The following SYMPK variants were observed in gnomAD, a reference collection of about 807,000 sequenced individuals.
SYMPK encodes the protein symplekin.
In SYMPK, 49 loss-of-function variants were observed where a neutral mutation model predicts 136.4. That is an observed-to-expected ratio of 0.36 (90% CI 0.29 to 0.46). The LOEUF is 0.46. Ranked by LOEUF, SYMPK falls within the 20% of genes least tolerant of loss-of-function variation. The pLI, the probability that SYMPK is intolerant of heterozygous loss-of-function variation, is 1.00. For synonymous variants in SYMPK, 766 were observed against 713.0 expected (o/e 1.07, Z -1.19); for missense variants, 1,365 against 1,690.0 (o/e 0.81, Z 3.37).
At position 45,830,166 on chromosome 19, in the gene SYMPK, A is replaced by G; in HGVS notation, c.1637T>C (p.Leu546Pro). Residue 546 changes from leucine (L) to proline (P), a missense_variant, in exon 13 of 27, where the codon CTC (leucine) becomes CCC (proline). By Grantham distance (98) the Leu-to-Pro change is moderately conservative. Transcript: ENST00000245934. ...GAGGRKKIFRLSDVLKPLTDA... is the reference protein window; with the variant it reads ...GAGGRKKIFRPSDVLKPLTDA... The stretch of plus-strand genomic sequence containing the variant: ...GGTAAGGGGCTTCAGCACGTCGCTG[A>G]GACGGAAAATTTTCTTGCGCCCACC... The G allele has an allele frequency of 6.2e-7, 1 of 1,609,456 alleles. No individual in the cohort carries two copies. Among genetic ancestry groups the G allele is most frequent in the Non-Finnish European group, 8.5e-7 (1 of 1,177,664 alleles).
intron 18 of SYMPK, chr19:45,824,100 G>T (rs930517153): frequency 7.8e-6 from 4 of 510,512 alleles, no homozygotes; most frequent in Non-Finnish European, 1.4e-5. Context: ...CCCAGCCCTG[G>T]CTGGGCTGTC....
At chr19:45,843,552 G>A (rs1340380172) in intron 8 of SYMPK, among the ~76,000 whole-genome samples, 1 of 152,096 alleles carries the variant, frequency 6.6e-6, no homozygotes, top group African/African-American at 2.4e-5. Context: ...TCAAGTTTCT[G>A]TCACATGCCA....
At chr19:45,825,140 G>A (rs1357574985) in intron 18 of SYMPK, 31 bp downstream of exon 18, 61 of 1,601,822 alleles carry the variant, frequency 3.8e-5, no homozygotes, top group African/African-American at 5.3e-5. Flanking sequence ...GCCCGTGGGT[G>A]GGCAGGGCCT....
intron 16 of SYMPK, 139 bp from the exon 17 acceptor site, chr19:45,826,512 G>T: frequency 1.1e-6 from 1 of 895,424 alleles, no homozygotes; most frequent in Non-Finnish European, 1.7e-6. Flanking sequence ...AGGGCCCAGG[G>T]CTGGTCCCCA....
chr19:45,815,454 G>C lies in SYMPK; in HGVS notation c.*106C>G, dbSNP rs1031119811. The C allele has an allele frequency of 7.7e-6, 9 of 1,162,872 alleles. No homozygotes were observed. Among genetic ancestry groups the C allele is most frequent in the Non-Finnish European group, 1.1e-5 (9 of 855,958 alleles). 72.0% of individuals were successfully genotyped at this position (1,162,872 alleles called of 1,614,324 possible). ...TTTTTCTTTTCAGTAACTTGCCCAA[G>C]TTCACATCTTTTATTTCTTTTTAAG... On this transcript the variant is annotated 3_prime_UTR_variant, in exon 27 of 27. Coordinates refer to ENST00000245934, the MANE Select transcript of SYMPK (RefSeq NM_004819.3).
intron 1 of SYMPK, 197 bp from the exon 2 acceptor site, chr19:45,854,704 G>C (rs142780401): frequency 9.0e-6 from 5 of 558,426 alleles, no homozygotes; most frequent in Non-Finnish European, 1.6e-5. Context: ...CCTGTAACTT[G>C]GGGGAGACTG....
chr19:45,817,179 G>C, intron 23 of SYMPK: 1 of 548,094 alleles, frequency 1.8e-6, no homozygotes, highest in East Asian at 3.4e-5. Context: ...AACTTGGGAA[G>C]GGGGTGGAAG....
intron 1 of SYMPK, 156 bp from the exon 2 acceptor site, chr19:45,854,663 C>T (rs888974585): frequency 3.2e-6 from 2 of 626,006 alleles, no homozygotes; most frequent in African/African-American, 3.6e-5. Context: ...CCTCCAGGGT[C>T]TGTCTCTGGC....
chr19:45,832,125 G>A (rs969602191), intron 11 of SYMPK, among the ~76,000 whole-genome samples: 2 of 152,140 alleles, frequency 1.3e-5, no homozygotes, highest in African/African-American at 4.8e-5. Context: ...TTACAGGTAT[G>A]AGCCACTGTG....
At chr19:45,853,565 G>T (rs970981161) in intron 3 of SYMPK, among the ~76,000 whole-genome samples, 2 of 151,180 alleles carry the variant, frequency 1.3e-5, no homozygotes, top group Non-Finnish European at 2.9e-5. Flanking sequence ...TGAGAGCCAG[G>T]ATCGTGCCAT....
chr19:45,849,270 A>C (rs11668238), intron 5 of SYMPK, among the ~76,000 whole-genome samples: 21,727 of 152,276 alleles, frequency 0.14, 1,630 homozygotes, highest in South Asian at 0.18. Flanking sequence ...GAAAGCATTC[A>C]GTAAACACCA....
At chr19:45,828,301 A>G (rs1971093458) in intron 14 of SYMPK, 2 of 245,078 alleles carry the variant, frequency 8.2e-6, no homozygotes, top group Non-Finnish European at 1.6e-5. Context: ...CCACCCACAC[A>G]TAGAGTTGAG....
intron 1 of SYMPK, chr19:45,861,859 A>T (rs1971974943): frequency 1.3e-5 from 2 of 152,092 alleles, no homozygotes; most frequent in South Asian, 4.2e-4. Context: ...AGCCTGGCCA[A>T]CACAGAGAAA....
chr19:45,848,832 T>C lies in SYMPK; in HGVS notation c.344A>G (p.Asn115Ser), dbSNP rs767015678. 37 of 1,613,890 alleles carry C rather than the reference T, an allele frequency of 2.3e-5. No individual in the cohort carries two copies. Among genetic ancestry groups the C allele is most frequent in the Non-Finnish European group, 2.8e-5 (33 of 1,180,000 alleles). Residue 115 changes from asparagine (N) to serine (S), a missense_variant, in exon 6 of 27, where the codon AAC becomes AGC. By Grantham distance (46) the Asn-to-Ser change is conservative. Coordinates refer to ENST00000245934, the MANE Select transcript of SYMPK (RefSeq NM_004819.3). ...CACATTCTCGTCCCTCAAGAGCATG[T>C]TGAGGTTTGCAATGAGTTTCAGCAG... ...ELLLKLIANL[N>S]MLLRDENVNV...
At chr19:45,838,368 G>C in intron 10 of SYMPK, 93 bp downstream of exon 10, 1 of 1,425,276 alleles carries the variant, frequency 7.0e-7, no homozygotes, top group Non-Finnish European at 9.5e-7. Context: ...GGGTACTCTG[G>C]AGGAGGTGGA....
chr19:45,827,703 C>G, intron 15 of SYMPK, 80 bp from the exon 16 acceptor site: 1 of 1,508,860 alleles, frequency 6.6e-7, no homozygotes, highest in Non-Finnish European at 9.2e-7. Flanking sequence ...TGCCTCTGAT[C>G]AGGTACCTGG....
At chr19:45,852,037 T>C (rs765990383) in intron 5 of SYMPK, among the ~76,000 whole-genome samples, 21 of 152,236 alleles carry the variant, frequency 1.4e-4, no homozygotes, top group African/African-American at 2.7e-4. Flanking sequence ...GAGGAAGTGA[T>C]TGACAAACGG....
intron 3 of SYMPK, among the ~76,000 whole-genome samples, chr19:45,852,737 G>A (rs906328286): frequency 3.3e-5 from 5 of 152,102 alleles, no homozygotes; most frequent in Admixed American, 2.0e-4. Context: ...TCTATAAAAT[G>A]AGACTCTTAA....
chr19:45,823,439 C>A lies in SYMPK; in HGVS notation c.2633G>T (p.Arg878Leu). ...PPSPELVKRVRDLYHKRLPDV... is the reference protein window; with the variant it reads ...PPSPELVKRVLDLYHKRLPDV... ...TGGCAGTCGCTTGTGGTAGAGATCCCGGACCCGCTTCACCAGCTCTGGGGA... is the reference window on the plus strand; with the variant it reads ...TGGCAGTCGCTTGTGGTAGAGATCCAGGACCCGCTTCACCAGCTCTGGGGA... Residue 878 changes from arginine to leucine, a missense_variant, in exon 20 of 27, where the codon CGG becomes CTG. Physicochemically the swap from Arg to Leu is moderately radical, Grantham distance 102. Coordinates refer to ENST00000245934, the MANE Select transcript of SYMPK (RefSeq NM_004819.3). The A allele has an allele frequency of 6.2e-7, 1 of 1,613,970 alleles. No individual in the cohort carries two copies. The highest frequency in any genetic ancestry group is 8.5e-7 in the Non-Finnish European group (1 of 1,180,016).
Sources: gnomAD v4.1 joint callset for allele counts (sites outside exome capture counted in the v4.1 genomes callset) on GRCh38, gnomAD v4.1.1 for gene constraint, MANE v1.5 for transcripts, NCBI Gene and HGNC (gene_info 2026-07-23, HGNC 2026-07-21) for gene names.